ZNF536: variants seen among roughly 807,000 people sequenced by gnomAD.
ZNF536 encodes the protein zinc finger protein 536.
A neutral mutation model predicts 84.5 loss-of-function variants in ZNF536; 13 were observed. The observed-to-expected ratio is 0.15, with a 90% confidence interval of 0.10 to 0.24. ZNF536 has a LOEUF of 0.24. Ranked by LOEUF, ZNF536 falls within the 10% of genes least tolerant of loss-of-function variation. The pLI is 1.00. For synonymous variants in ZNF536, 811 were observed against 742.5 expected (o/e 1.09, Z -1.50); for missense variants, 1,536 against 1,747.5 (o/e 0.88, Z 2.16).
intron 2 of ZNF536, among the ~76,000 whole-genome samples, chr19:30,496,446 G>A (rs1568486638): frequency 6.6e-6 from 1 of 152,174 alleles, no homozygotes; most frequent in Admixed American, 6.5e-5. Context: ...ACAAAGGAGG[G>A]CATATCTAAT....
intron 1 of ZNF536, among the ~76,000 whole-genome samples, chr19:30,688,570 G>A (rs553570552): frequency 6.6e-6 from 1 of 152,098 alleles, no homozygotes; most frequent in African/African-American, 2.4e-5. Flanking sequence ...TATATTCCGC[G>A]ATACACATTT....
At chr19:30,310,248 T>C (rs542246072) in intron 2 of ZNF536, among the ~76,000 whole-genome samples, 2 of 152,378 alleles carry the variant, frequency 1.3e-5, no homozygotes, top group South Asian at 2.1e-4. Context: ...CGTTTCATTA[T>C]AAAGTTTCTT....
At chr19:30,262,302 G>A (rs191516417) in intron 1 of ZNF536, among the ~76,000 whole-genome samples, 1 of 152,350 alleles carries the variant, frequency 6.6e-6, no homozygotes, top group African/African-American at 2.4e-5. Context: ...AGGTGCAGGT[G>A]GGAAGGGACA....
chr19:30,640,305 A>G (rs1253842773), intron 1 of ZNF536, among the ~76,000 whole-genome samples: 2 of 152,134 alleles, frequency 1.3e-5, no homozygotes, highest in Non-Finnish European at 2.9e-5. Flanking sequence ...TGTTTTTTTC[A>G]TGCAGCTTTT....
intron 1 of ZNF536, among the ~76,000 whole-genome samples, chr19:30,569,166 C>A (rs1269383013): frequency 3.3e-5 from 5 of 152,128 alleles, no homozygotes; most frequent in African/African-American, 1.2e-4. Context: ...TTGTTGAAAT[C>A]CCTAATAATG....
At chr19:30,699,222 T>C (rs1465929083) in intron 1 of ZNF536, among the ~76,000 whole-genome samples, 1 of 152,144 alleles carries the variant, frequency 6.6e-6, no homozygotes, top group Non-Finnish European at 1.5e-5. Context: ...CCTGGTTCCC[T>C]TTTTTTGGGA....
intron 2 of ZNF536, among the ~76,000 whole-genome samples, chr19:30,342,938 G>A (rs371274268): frequency 6.6e-6 from 1 of 152,346 alleles, no homozygotes; most frequent in Admixed American, 6.5e-5. Flanking sequence ...TTGGGTGTCT[G>A]TCTCAATCAT....
chr19:30,250,077 C>T (rs897496324), intron 1 of ZNF536, among the ~76,000 whole-genome samples: 2 of 152,186 alleles, frequency 1.3e-5, no homozygotes, highest in African/African-American at 4.8e-5. Context: ...CAGGCAGTCA[C>T]AAGCAGCTCG....
chr19:30,530,916 C>T (rs114968848), intron 2 of ZNF536, among the ~76,000 whole-genome samples: 1,555 of 152,312 alleles, frequency 0.01, 26 homozygotes, highest in African/African-American at 0.035. Context: ...CACACATCCT[C>T]ACCAGCACCC....
chr19:30,441,763 C>T (rs954518998), intron 1 of ZNF536, among the ~76,000 whole-genome samples: 2 of 152,234 alleles, frequency 1.3e-5, no homozygotes, highest in Admixed American at 6.5e-5. Flanking sequence ...ATCTTTCATT[C>T]GTGGACAAAG....
chr19:30,403,714 C>T (rs527607119), intron 1 of ZNF536, among the ~76,000 whole-genome samples: 4 of 152,350 alleles, frequency 2.6e-5, no homozygotes, highest in South Asian at 2.1e-4. Flanking sequence ...CTGCTGCACT[C>T]GGCTGCAGTT....
chr19:30,395,263 G>A (rs765043781), intron 1 of ZNF536, among the ~76,000 whole-genome samples: 2 of 152,196 alleles, frequency 1.3e-5, no homozygotes, highest in Non-Finnish European at 2.9e-5. Context: ...CAGACAAGGT[G>A]TCATTTTGGG....
At chr19:30,550,612 G>T (rs2045739999) in intron 4 of ZNF536, among the ~76,000 whole-genome samples, 1 of 151,956 alleles carries the variant, frequency 6.6e-6, no homozygotes, top group Admixed American at 6.6e-5. Flanking sequence ...AGGAAGGAAG[G>T]AAGGGAAGGG....
chr19:30,267,653 G>A (rs991693341), intron 1 of ZNF536, among the ~76,000 whole-genome samples: 16 of 152,120 alleles, frequency 1.1e-4, no homozygotes, highest in South Asian at 8.3e-4. Flanking sequence ...CTGTGGGTGC[G>A]GCTTCAGGCA....
At chr19:30,438,855 A>G (rs2051876107) in intron 1 of ZNF536, among the ~76,000 whole-genome samples, 1 of 151,854 alleles carries the variant, frequency 6.6e-6, no homozygotes, top group Non-Finnish European at 1.5e-5. Context: ...ATTATTTTAT[A>G]TTTTTAGTAG....
chr19:30,365,259 T>C (rs1225791761), intron 3 of ZNF536, among the ~76,000 whole-genome samples: 1 of 152,194 alleles, frequency 6.6e-6, no homozygotes, highest in East Asian at 1.9e-4. Flanking sequence ...GTCTCTCTGA[T>C]GCTCTTGTTC....
At chr19:30,633,768 C>CT (rs1252070592) in intron 1 of ZNF536, among the ~76,000 whole-genome samples, 2 of 151,814 alleles carry the variant, frequency 1.3e-5, no homozygotes, top group African/African-American at 4.8e-5. Flanking sequence ...GAGATGGGGT[C>CT]TCACTATGTT....
At chr19:30,561,288 C>T (rs552570863), downstream of ZNF536, among the ~76,000 whole-genome samples, 26 of 152,276 alleles carry the variant, frequency 1.7e-4, no homozygotes, top group Admixed American at 5.2e-4. Context: ...GGGTTGACCA[C>T]GAGGACAGGC....
intron 1 of ZNF536, among the ~76,000 whole-genome samples, chr19:30,626,721 A>G (rs1376764474): frequency 6.6e-6 from 1 of 152,124 alleles, no homozygotes; most frequent in Non-Finnish European, 1.5e-5. Flanking sequence ...AGTCTGATGG[A>G]GAAACACAGG....
Sources: gnomAD v4.1 joint callset for allele counts (sites outside exome capture counted in the v4.1 genomes callset) on GRCh38, gnomAD v4.1.1 for gene constraint, MANE v1.5 for transcripts, NCBI Gene and HGNC (gene_info 2026-07-23, HGNC 2026-07-21) for gene names.